PATJ: variants seen among roughly 807,000 people sequenced by gnomAD.
PATJ encodes inaD-like protein.
In PATJ, 190 loss-of-function variants were observed where a neutral mutation model predicts 224.9. The ratio of observed to expected loss-of-function variants is 0.84; its 90% CI spans 0.75 to 0.95. The LOEUF (loss-of-function observed/expected upper bound fraction) is 0.95. Ranked by LOEUF, PATJ falls within the 40% of genes least tolerant of loss-of-function variation. PATJ has a pLI of 0.00. For synonymous variants in PATJ, 769 were observed against 820.3 expected (o/e 0.94, Z 1.07); for missense variants, 2,121 against 2,270.3 (o/e 0.93, Z 1.34).
At chr1:61,848,477 T>C (rs1410922721) in intron 17 of PATJ, among the ~76,000 whole-genome samples, 1 of 152,254 alleles carries the variant, frequency 6.6e-6, no homozygotes, top group African/African-American at 2.4e-5. Flanking sequence ...CAAATCTGTG[T>C]GTGAGTGTAC....
chr1:61,869,141 C>G (rs1042851824), intron 20 of PATJ, among the ~76,000 whole-genome samples: 10 of 132,692 alleles, frequency 7.5e-5, no homozygotes, highest in African/African-American at 8.9e-5. Flanking sequence ...GAGTCTCGCT[C>G]TGTCGCCCAG....
chr1:62,115,409 G>T (rs957627055), intron 35 of PATJ, among the ~76,000 whole-genome samples: 4 of 151,946 alleles, frequency 2.6e-5, no homozygotes, highest in Non-Finnish European at 4.4e-5. Flanking sequence ...GAGTTGGGAG[G>T]ATCGCTTGAG....
chr1:61,773,602 C>A (rs1001689530), intron 6 of PATJ, among the ~76,000 whole-genome samples: 5 of 151,546 alleles, frequency 3.3e-5, no homozygotes, highest in Non-Finnish European at 7.4e-5. Context: ...GCCTGGTCAA[C>A]ATGGTGAAAC....
At chr1:61,969,843 G>A (rs1031312986) in intron 27 of PATJ, among the ~76,000 whole-genome samples, 18 of 152,038 alleles carry the variant, frequency 1.2e-4, no homozygotes, top group Admixed American at 1.2e-3. Flanking sequence ...AGAGGTGCAT[G>A]CCACCACACC....
At chr1:61,985,071 T>C (rs1358073970) in intron 27 of PATJ, among the ~76,000 whole-genome samples, 1 of 152,064 alleles carries the variant, frequency 6.6e-6, no homozygotes, top group African/African-American at 2.4e-5. Flanking sequence ...CCCAGCACTT[T>C]GGGAGGCCGT....
intron 18 of PATJ, among the ~76,000 whole-genome samples, chr1:61,859,613 AT>A (rs1261931149): frequency 6.7e-6 from 1 of 149,778 alleles, no homozygotes; most frequent in Admixed American, 6.7e-5. Flanking sequence ...TAATTAACTA[AT>A]TTTTTTTTGT....
chr1:62,053,655 G>A (rs1654042367), intron 31 of PATJ, among the ~76,000 whole-genome samples: 1 of 152,116 alleles, frequency 6.6e-6, no homozygotes, highest in African/African-American at 2.4e-5. Context: ...GGAGATGGAG[G>A]TTGCAGTGAG....
intron 41 of PATJ, among the ~76,000 whole-genome samples, chr1:62,142,710 C>CA (rs1343793068): frequency 1.1e-4 from 16 of 152,156 alleles, no homozygotes; most frequent in African/African-American, 3.9e-4. Context: ...CACGGATGGT[C>CA]AAAGCAGGCT....
chr1:62,067,158 G>A lies in PATJ; in HGVS notation c.4126-12292G>A, dbSNP rs574924726. On this transcript the variant is annotated intron_variant, in intron 31 of 43. Coordinates refer to ENST00000642238, the MANE Select transcript of PATJ (RefSeq NM_001350145.3). ...TTTTTTTTTTTTGAGATGGAGTCTC[G>A]CTGTGTCACCCAGGCTGGAGTGCAG... is the stretch of plus-strand genomic sequence containing the variant. Among the ~76,000 whole-genome samples, 9 of 122,984 alleles carry A rather than the reference G, an allele frequency of 7.3e-5. No homozygotes were observed. In the South Asian group the frequency reaches 7.5e-4, roughly 10 times the overall value. 80.7% of individuals were successfully genotyped at this position (122,984 alleles called of 152,430 possible). A position where few individuals can be genotyped will look rare whatever the true frequency, so the allele number is the denominator to read the frequency against.
intron 20 of PATJ, among the ~76,000 whole-genome samples, chr1:61,871,829 G>C (rs1349540307): frequency 6.7e-6 from 1 of 149,760 alleles, no homozygotes; most frequent in Admixed American, 6.7e-5. Flanking sequence ...CTCCCAAAGT[G>C]CTGGGATTAC....
rs1663642999 is a variant in PATJ at position 61,856,248 on chromosome 1, T to C, written c.2322+9T>C. On this transcript the variant is annotated intron_variant, in intron 18 of 43. Coordinates refer to ENST00000642238, the MANE Select transcript of PATJ (RefSeq NM_001350145.3). ...TCTGTAAGCCTTTGGTGGTAAGTGT[T>C]GTATTTTGTTAATATAGGAAGTGAT... 2 of 1,607,082 alleles carry C rather than the reference T, an allele frequency of 1.2e-6. No homozygotes were observed. Among genetic ancestry groups the C allele is most frequent in the Non-Finnish European group, 1.7e-6 (2 of 1,173,580 alleles).
intron 29 of PATJ, among the ~76,000 whole-genome samples, chr1:62,022,328 C>A (rs1647132502): frequency 6.6e-6 from 1 of 152,192 alleles, no homozygotes; most frequent in African/African-American, 2.4e-5. Context: ...TACATAATCA[C>A]TTTTTCCCTT....
intron 31 of PATJ, chr1:62,072,542 T>G (rs1657600289): frequency 6.6e-6 from 1 of 151,824 alleles, no homozygotes; most frequent in Non-Finnish European, 1.5e-5. Context: ...TAACGAGCTC[T>G]GCCAATTGGG....
At chr1:62,108,368 G>A (rs1663367868) in intron 33 of PATJ, 69 bp from the exon 34 acceptor site, 6 of 789,836 alleles carry the variant, frequency 7.6e-6, no homozygotes, top group Non-Finnish European at 1.2e-5. Context: ...ATGGGTTGCT[G>A]CCTATTGGTT....
chr1:61,818,536 G>A, intron 14 of PATJ, among the ~76,000 whole-genome samples: 1 of 152,196 alleles, frequency 6.6e-6, no homozygotes, highest in East Asian at 1.9e-4. Flanking sequence ...AAACAGTCCT[G>A]CTCCCGCAGA....
chr1:61,901,383 T>C lies in PATJ; in HGVS notation c.3305T>C (p.Ile1102Thr), dbSNP rs545094582. 1.6e-4 allele frequency: 255 copies of C among 1,587,922 alleles called. No homozygotes were observed. In the South Asian group the frequency reaches 2.9e-3, roughly 18 times the overall value. The part of the protein sequence containing the change: ...RLKNGEELKG[I>T]FIKQVLEDSP... ...AAGAATGGAGAGGAGCTTAAAGGTATATTCATCAAACAAGTTTTAGAAGAC... is the reference window on the plus strand; with the variant it reads ...AAGAATGGAGAGGAGCTTAAAGGTACATTCATCAAACAAGTTTTAGAAGAC... The change falls in exon 24 of 44, where the codon ATA becomes ACA. Residue 1102 changes from isoleucine (I) to threonine (T), a missense_variant. Transcript: ENST00000642238.
At chr1:61,791,798 G>A (rs1405922468) in intron 9 of PATJ, among the ~76,000 whole-genome samples, 8 of 151,804 alleles carry the variant, frequency 5.3e-5, no homozygotes, top group Admixed American at 1.3e-4. Context: ...GTTTCATATT[G>A]TAAATGTTCC....
rs544407491 is a variant in PATJ, at chr1:61,821,936, A to G, written c.1684-1009A>G. Reference sequence around the variant, plus strand: ...TGAGACACTCATCTCTTTACTCGACATTGGCTAGAGTTTCTCAGCCCTTGA... The same window carrying G: ...TGAGACACTCATCTCTTTACTCGACGTTGGCTAGAGTTTCTCAGCCCTTGA... On this transcript the variant is annotated intron_variant, in intron 14 of 43. Coordinates refer to ENST00000642238, the MANE Select transcript of PATJ (RefSeq NM_001350145.3). 5.3e-5 allele frequency among the ~76,000 whole-genome samples: 8 copies of G among 152,304 alleles called. No individual in the cohort carries two copies. The South Asian group carries it at 1.5e-3, about 28-fold the overall frequency.
In PATJ at chr1:62,084,637, G is replaced by T; in HGVS notation, c.4366G>T (p.Asp1456Tyr). The T allele has an allele frequency of 6.2e-7, 1 of 1,612,852 alleles. No individual in the cohort carries two copies. Among genetic ancestry groups the T allele is most frequent in the Non-Finnish European group, 8.5e-7 (1 of 1,179,524 alleles). Reference protein sequence around the residue: ...GLGLSIVGGKDTPLNAIVIHE... With the variant: ...GLGLSIVGGKYTPLNAIVIHE... ...TGGTCTCAGCATTGTGGGAGGAAAA[G>T]ACACACCCTTGGTAAGTTTCTAGAA... The change falls in exon 33 of 44, where the codon GAC becomes TAC. Residue 1456 changes from aspartate to tyrosine, a missense_variant. Transcript: ENST00000642238.
Sources: gnomAD v4.1 joint callset for allele counts (sites outside exome capture counted in the v4.1 genomes callset) on GRCh38, gnomAD v4.1.1 for gene constraint, MANE v1.5 for transcripts, NCBI Gene and HGNC (gene_info 2026-07-23, HGNC 2026-07-21) for gene names.